The following DLG2 variants were observed in gnomAD, a reference collection of about 807,000 sequenced individuals.
DLG2 encodes the protein discs large MAGUK scaffold protein 2.
Under a neutral mutation model 132.5 loss-of-function variants are expected in DLG2, and 45 were observed. That is an observed-to-expected ratio of 0.34 (90% CI 0.27 to 0.44). DLG2 has a LOEUF of 0.44. Ranked by LOEUF, DLG2 falls within the 20% of genes least tolerant of loss-of-function variation. The pLI is 1.00. For synonymous variants in DLG2, 424 were observed against 419.6 expected (o/e 1.01, Z -0.13); for missense variants, 1,045 against 1,196.9 (o/e 0.87, Z 1.87).
intron 2 of DLG2, among the ~76,000 whole-genome samples, chr11:85,599,978 T>C (rs1471624875): frequency 1.3e-5 from 2 of 152,214 alleles, no homozygotes; most frequent in African/African-American, 4.8e-5. Context: ...ATACCAATTA[T>C]AATAACAATA....
chr11:84,504,971 T>A (rs1434459816), intron 7 of DLG2, among the ~76,000 whole-genome samples: 2 of 152,158 alleles, frequency 1.3e-5, no homozygotes, highest in Non-Finnish European at 2.9e-5. Context: ...ATATTATGAA[T>A]AGTGTGTTTT....
intron 6 of DLG2, among the ~76,000 whole-genome samples, chr11:85,093,445 A>C (rs529421866): frequency 3.3e-5 from 5 of 152,268 alleles, no homozygotes; most frequent in Admixed American, 3.3e-4. Context: ...CCTCACAGAC[A>C]CAGCCCAAAT....
At chr11:85,409,060 C>T (rs1007723897) in intron 3 of DLG2, among the ~76,000 whole-genome samples, 3 of 151,850 alleles carry the variant, frequency 2.0e-5, no homozygotes, top group Non-Finnish European at 2.9e-5. Context: ...ATTGAGAAAT[C>T]GAATGGATTG....
At chr11:83,613,566 G>C (rs1049860729) in intron 19 of DLG2, among the ~76,000 whole-genome samples, 6 of 152,164 alleles carry the variant, frequency 3.9e-5, no homozygotes, top group African/African-American at 1.4e-4. Flanking sequence ...GCAAATTGTA[G>C]CATCAGATTC....
At chr11:83,979,446 C>T (rs1038220058) in intron 12 of DLG2, among the ~76,000 whole-genome samples, 3 of 152,126 alleles carry the variant, frequency 2.0e-5, no homozygotes, top group African/African-American at 7.2e-5. Flanking sequence ...TATTAATTTA[C>T]AATATTCGAT....
chr11:84,709,058 A>T (rs1037989241), intron 6 of DLG2, among the ~76,000 whole-genome samples: 1 of 151,934 alleles, frequency 6.6e-6, no homozygotes, highest in Non-Finnish European at 1.5e-5. Context: ...GCTCACATGG[A>T]AGCTGCTGTG....
intron 6 of DLG2, among the ~76,000 whole-genome samples, chr11:84,667,498 G>GTTTTTTTTTTTTTTTTTTTT (rs57863742): frequency 4.9e-5 from 6 of 122,264 alleles, no homozygotes; most frequent in Non-Finnish European, 8.1e-5. Flanking sequence ...TTTGTTTTTT[G>GTTTTTTTTTTTTTTTTTTTT]TTTTTTTTTT....
intron 6 of DLG2, among the ~76,000 whole-genome samples, chr11:84,660,322 C>T (rs2099693164): frequency 6.6e-6 from 1 of 152,120 alleles, no homozygotes; most frequent in African/African-American, 2.4e-5. Flanking sequence ...CACAGCATTC[C>T]TCTTAACTCC....
At chr11:83,480,751 G>C in intron 22 of DLG2, 1 of 823,738 alleles carries the variant, frequency 1.2e-6, no homozygotes. Flanking sequence ...ACAATGACTA[G>C]TATGTCTTGA....
At chr11:85,109,624 A>G (rs149194418) in intron 6 of DLG2, among the ~76,000 whole-genome samples, 13 of 152,260 alleles carry the variant, frequency 8.5e-5, no homozygotes, top group African/African-American at 1.2e-4. Context: ...AAGTTCTTAT[A>G]TTAATATTTT....
rs150954186 is a variant in DLG2, at chr11:83,512,679, C to T, written c.2193+20029G>A. 5.0e-3 allele frequency among the ~76,000 whole-genome samples: 754 copies of T among 152,112 alleles called. 11 individuals are homozygous for T. The highest frequency in any genetic ancestry group is 0.017 in the African/African-American group (711 of 41,482). On this transcript the variant is annotated intron_variant, in intron 21 of 27. Transcript: ENST00000376104. ...GCATATCTCCTAATGCTATCCCTCC[C>T]CCTTCCCCCCACCCCACAACAGGCC...
At chr11:85,258,510 A>G (rs1390787714) in intron 4 of DLG2, among the ~76,000 whole-genome samples, 1 of 152,216 alleles carries the variant, frequency 6.6e-6, no homozygotes, top group Non-Finnish European at 1.5e-5. Context: ...CAAACCCTTA[A>G]GGATCTTGGT....
rs61017970 is a variant in DLG2, at chr11:84,592,933, TAAAAAAAAAAAAAAAAAAAA to T, written c.358-58222_358-58203del. Among the ~76,000 whole-genome samples, 36 of 18,176 alleles carry T rather than the reference TAAAAAAAAAAAAAAAAAAAA, an allele frequency of 2.0e-3. 1 individual carries two copies. The highest frequency in any genetic ancestry group is 0.014 in the Admixed American group (13 of 900). 11.9% of individuals were successfully genotyped at this position (18,176 alleles called of 152,430 possible). ...TAACACGGTGAAACCCTGTCTCTAC[TAAAAAAAAAAAAAAAAAAAA>T]AAAAAAAAAAAAAAAAAAAGTTGGG... is the stretch of plus-strand genomic sequence containing the variant. On this transcript the variant is annotated intron_variant, in intron 6 of 27. Coordinates refer to ENST00000376104, the MANE Select transcript of DLG2 (RefSeq NM_001142699.3).
At chr11:84,947,901 G>T (rs1303982564) in intron 6 of DLG2, among the ~76,000 whole-genome samples, 3 of 152,138 alleles carry the variant, frequency 2.0e-5, no homozygotes, top group Admixed American at 2.0e-4. Context: ...ATTAGACAAT[G>T]GGAGTAACAG....
At chr11:84,799,085 A>C (rs1194721398) in intron 6 of DLG2, among the ~76,000 whole-genome samples, 1 of 152,188 alleles carries the variant, frequency 6.6e-6, no homozygotes, top group African/African-American at 2.4e-5. Flanking sequence ...ACTAGGTCAC[A>C]CATTGCCCCA....
At chr11:85,286,045 A>C (rs2078533604) in intron 3 of DLG2, 1 of 420,236 alleles carries the variant, frequency 2.4e-6, no homozygotes, top group Non-Finnish European at 4.6e-6. Context: ...ACTGTATTAC[A>C]AATGTATAAA....
At chr11:85,339,212 A>C (rs980901875) in intron 3 of DLG2, among the ~76,000 whole-genome samples, 1 of 152,220 alleles carries the variant, frequency 6.6e-6, no homozygotes, top group Non-Finnish European at 1.5e-5. Flanking sequence ...TAACAGATGT[A>C]CAGTACTCCA....
chr11:85,549,291 C>T (rs1349377441), intron 3 of DLG2, among the ~76,000 whole-genome samples: 6 of 152,156 alleles, frequency 3.9e-5, no homozygotes, highest in Non-Finnish European at 5.9e-5. Flanking sequence ...TGCTTCCACT[C>T]GCCCTCCTTG....
chr11:83,833,652 G>A lies in DLG2; in HGVS notation c.1684C>T (p.Leu562=). The A allele has an allele frequency of 1.2e-6, 2 of 1,613,940 alleles. No individual in the cohort carries two copies. The highest frequency in any genetic ancestry group is 8.5e-7 in the Non-Finnish European group (1 of 1,179,946). The change falls in exon 17 of 28, where the codon CTA becomes TTA. Residue 562 remains leucine, a synonymous_variant. Transcript: ENST00000376104. The stretch of plus-strand genomic sequence containing the variant: ...TCTCCTCTCTGGAGCTCCCCACTTA[G>A]GTCTGCTGGTCCACCAGCCAGAATG... The part of the protein sequence containing the change: ...SFILAGGPAD[L]SGELQRGDQI...
Sources: allele counts gnomAD v4.1 joint callset (sites outside exome capture counted in the v4.1 genomes callset), GRCh38; gene constraint gnomAD v4.1.1; transcripts MANE v1.5; gene names NCBI Gene and HGNC (gene_info 2026-07-23, HGNC 2026-07-21).